The following IGF1R variants were observed in gnomAD, a reference collection of about 807,000 sequenced individuals.
IGF1R encodes insulin like growth factor 1 receptor, also known as insulin-like growth factor 1 receptor.
Under a neutral mutation model 144.6 loss-of-function variants are expected in IGF1R, and 44 were observed. The ratio of observed to expected loss-of-function variants is 0.30; its 90% CI spans 0.24 to 0.39. The LOEUF (loss-of-function observed/expected upper bound fraction) is 0.39. IGF1R is among the 10% of genes least tolerant of loss of function. The pLI is 1.00. For missense variants in IGF1R, 1,355 were observed against 1,833.7 expected (o/e 0.74, Z 4.77); for synonymous variants, 795 against 722.8 (o/e 1.10, Z -1.60).
intron 2 of IGF1R, among the ~76,000 whole-genome samples, chr15:98,820,576 A>G (rs114059793): frequency 0.011 from 1,668 of 152,296 alleles, 31 homozygotes; most frequent in African/African-American, 0.037. Flanking sequence ...GCAAAAGATA[A>G]ATTCACAGAC....
intron 2 of IGF1R, among the ~76,000 whole-genome samples, chr15:98,723,678 T>C (rs992458184): frequency 6.6e-6 from 1 of 152,216 alleles, no homozygotes; most frequent in African/African-American, 2.4e-5. Context: ...TGCTGATTGC[T>C]GTCTGAGCAA....
Position 98,708,077 on chromosome 15 carries a change from C to T in IGF1R, c.610C>T (p.Arg204Cys), listed in dbSNP as rs1027569659. The T allele has an allele frequency of 3.7e-6, 6 of 1,613,780 alleles. No homozygotes were observed. The highest frequency in any genetic ancestry group is 4.2e-6 in the Non-Finnish European group (5 of 1,179,948). The change falls in exon 2 of 21, where the codon CGC becomes TGC. Residue 204 changes from arginine (R) to cysteine (C), a missense_variant. Physicochemically the swap from Arg to Cys is radical, Grantham distance 180. This residue lies in a region of IGF1R where 880 missense variants were observed against 1,202.7 expected (regional missense o/e 0.73). Coordinates refer to ENST00000650285, the MANE Select transcript of IGF1R (RefSeq NM_000875.5). ...KTTINNEYNY[R>C]CWTTNRCQKM... ...CACCATCAACAATGAGTACAACTAC[C>T]GCTGCTGGACCACAAACCGCTGCCA... is the stretch of plus-strand genomic sequence containing the variant.
chr15:98,649,468 G>A lies in IGF1R; in HGVS notation c.-114G>A, dbSNP rs555120031. 1.5e-5 allele frequency: 11 copies of A among 746,534 alleles called. No individual in the cohort carries two copies. In the Admixed American group the frequency reaches 2.9e-4, roughly 19 times the overall value. 46.2% of individuals were successfully genotyped at this position (746,534 alleles called of 1,614,324 possible). ...TCCTTCGCCCTTGTTTTTGGAGGGGGAGCGAAGACTGAGTTTGAGACTTGT... is the reference window on the plus strand; with the variant it reads ...TCCTTCGCCCTTGTTTTTGGAGGGGAAGCGAAGACTGAGTTTGAGACTTGT... On this transcript the variant is annotated 5_prime_UTR_variant, in exon 1 of 21. Coordinates refer to ENST00000650285, the MANE Select transcript of IGF1R (RefSeq NM_000875.5).
At chr15:98,924,441 T>C (rs934806287) in intron 12 of IGF1R, 84 bp from the exon 13 acceptor site, 10 of 1,270,824 alleles carry the variant, frequency 7.9e-6, no homozygotes, top group Middle Eastern at 2.1e-4. Context: ...GCAGCTGGAG[T>C]CCCCAGTGTG....
chr15:98,667,026 C>CG (rs1292964764), intron 1 of IGF1R, among the ~76,000 whole-genome samples: 1 of 151,932 alleles, frequency 6.6e-6, no homozygotes, highest in Non-Finnish European at 1.5e-5. Flanking sequence ...CTAGGTACCA[C>CG]GGGATCACTG....
At chr15:98,673,096 G>C (rs966473613) in intron 1 of IGF1R, among the ~76,000 whole-genome samples, 4 of 152,150 alleles carry the variant, frequency 2.6e-5, no homozygotes, top group African/African-American at 9.7e-5. Context: ...CTGGGCTCAA[G>C]TGATCCTCTT....
intron 2 of IGF1R, among the ~76,000 whole-genome samples, chr15:98,744,953 G>A (rs1345262022): frequency 1.3e-5 from 2 of 152,118 alleles, no homozygotes; most frequent in Admixed American, 1.3e-4. Flanking sequence ...CTTTCCTCCT[G>A]TTCTGCTGCC....
chr15:98,673,812 A>T (rs1291518457), intron 1 of IGF1R, among the ~76,000 whole-genome samples: 1 of 152,194 alleles, frequency 6.6e-6, no homozygotes, highest in East Asian at 1.9e-4. Context: ...CCTGATAAGC[A>T]CCAGGTCTGT....
At chr15:98,716,392 A>T (rs2054117625) in intron 2 of IGF1R, among the ~76,000 whole-genome samples, 1 of 152,164 alleles carries the variant, frequency 6.6e-6, no homozygotes, top group East Asian at 1.9e-4. Flanking sequence ...TTCATAACTC[A>T]TCAAATGGCA....
intron 2 of IGF1R, among the ~76,000 whole-genome samples, chr15:98,825,347 G>A (rs1334084908): frequency 6.6e-6 from 1 of 152,200 alleles, no homozygotes; most frequent in Non-Finnish European, 1.5e-5. Context: ...TGTGATATTT[G>A]TGTATAGCCC....
At chr15:98,850,136 A>T (rs1001217870) in intron 2 of IGF1R, among the ~76,000 whole-genome samples, 3 of 152,238 alleles carry the variant, frequency 2.0e-5, no homozygotes, top group African/African-American at 7.2e-5. Context: ...AAATTCCATC[A>T]CTGAGGGAAT....
chr15:98,879,858 G>A (rs1400885152), intron 2 of IGF1R, among the ~76,000 whole-genome samples: 2 of 152,210 alleles, frequency 1.3e-5, no homozygotes, highest in African/African-American at 4.8e-5. Flanking sequence ...CCTATGCTAA[G>A]TAAAAGAAGC....
intron 2 of IGF1R, among the ~76,000 whole-genome samples, chr15:98,785,578 A>G (rs991535801): frequency 2.6e-5 from 4 of 152,186 alleles, no homozygotes; most frequent in Admixed American, 2.6e-4. Context: ...AGAGGACTTT[A>G]GCCCCAAAGG....
intron 2 of IGF1R, among the ~76,000 whole-genome samples, chr15:98,745,238 T>TA (rs2054835437): frequency 6.6e-6 from 1 of 152,266 alleles, no homozygotes; most frequent in African/African-American, 2.4e-5. Context: ...TATACTTTGT[T>TA]ACACTCTTGA....
chr15:98,792,978 G>T (rs1422821827), intron 2 of IGF1R, among the ~76,000 whole-genome samples: 1 of 152,064 alleles, frequency 6.6e-6, no homozygotes, highest in East Asian at 1.9e-4. Context: ...TTGATTTGTT[G>T]GGTTGTTTTT....
intron 2 of IGF1R, among the ~76,000 whole-genome samples, chr15:98,779,898 C>G (rs968154724): frequency 2.0e-5 from 3 of 152,118 alleles, no homozygotes; most frequent in Non-Finnish European, 4.4e-5. Flanking sequence ...CCTCCAGGCT[C>G]GGAGGGCAAG....
intron 20 of IGF1R, among the ~76,000 whole-genome samples, chr15:98,953,592 C>G (rs1191543434): frequency 6.6e-6 from 1 of 152,104 alleles, no homozygotes; most frequent in Non-Finnish European, 1.5e-5. Context: ...AGGGCCAGGG[C>G]AGAGGTGTGA....
intron 15 of IGF1R, among the ~76,000 whole-genome samples, chr15:98,930,719 T>A (rs2015907047): frequency 6.6e-6 from 1 of 152,226 alleles, no homozygotes; most frequent in Non-Finnish European, 1.5e-5. Context: ...TAATTGTCTT[T>A]GATGAATTAC....
At chr15:98,863,987 G>C (rs527601984) in intron 2 of IGF1R, among the ~76,000 whole-genome samples, 31 of 152,294 alleles carry the variant, frequency 2.0e-4, no homozygotes, top group African/African-American at 6.5e-4. Flanking sequence ...GCTGGGTGTG[G>C]TGCCTCATGC....
Sources: gnomAD v4.1 joint callset for allele counts (sites outside exome capture counted in the v4.1 genomes callset) on GRCh38, gnomAD v4.1.1 for gene constraint, gnomAD v4.1.1 regional missense constraint, MANE v1.5 for transcripts, NCBI Gene and HGNC (gene_info 2026-07-23, HGNC 2026-07-21) for gene names.